Variants in TMEM135 observed in about 807,000 individuals in gnomAD.
TMEM135 encodes transmembrane protein 135, also known as peroxisomal membrane protein 52.
Under a neutral mutation model 60.3 loss-of-function variants are expected in TMEM135, and 30 were observed. The observed-to-expected ratio is 0.50, with a 90% CI of 0.37 to 0.68. The LOEUF (loss-of-function observed/expected upper bound fraction) is 0.68, where lower values mean the gene tolerates loss of function less well. Ranked by LOEUF, TMEM135 falls within the 30% of genes least tolerant of loss-of-function variation. The probability of loss-of-function intolerance (pLI) is 0.00; values close to 1 mark genes in which losing one functional copy is unlikely to be tolerated. For synonymous variants in TMEM135, 190 were observed against 186.7 expected (o/e 1.02, Z -0.14); for missense variants, 468 against 548.8 (o/e 0.85, Z 1.47).
At chr11:87,170,583 T>C (rs1939207297) in intron 5 of TMEM135, among the ~76,000 whole-genome samples, 1 of 152,160 alleles carries the variant, frequency 6.6e-6, no homozygotes, top group African/African-American at 2.4e-5. Flanking sequence ...GGAAGTCTAC[T>C]CCAGACCCTG....
rs757585660 is a variant in TMEM135 at position 87,326,303 on chromosome 11, A to G, written c.*4970A>G. 4.4e-6 allele frequency: 2 copies of G among 454,092 alleles called. No individual in the cohort carries two copies. The highest frequency in any genetic ancestry group is 3.1e-5 in the South Asian group (2 of 64,478). 28.1% of individuals were successfully genotyped at this position (454,092 alleles called of 1,614,324 possible). ...TGAGAGATTCAGGCTTCCATAAAGT[A>G]GACCTGTAGACCTATGTTGGCTGAG... On this transcript the variant is annotated 3_prime_UTR_variant, in exon 15 of 15. Transcript: ENST00000305494.
chr11:87,282,034 T>A (rs7117687), intron 6 of TMEM135, among the ~76,000 whole-genome samples: 55,710 of 152,122 alleles, frequency 0.37, 10,868 homozygotes, highest in Non-Finnish European at 0.43. Flanking sequence ...GTGGAGATTT[T>A]GTTAAAACAC....
At chr11:87,305,009 G>A (rs574054985) in intron 8 of TMEM135, among the ~76,000 whole-genome samples, 7 of 152,180 alleles carry the variant, frequency 4.6e-5, no homozygotes, top group Non-Finnish European at 7.4e-5. Flanking sequence ...AACACTGGAG[G>A]GTTAAGTGGT....
chr11:87,132,479 A>G (rs992464321), intron 4 of TMEM135, among the ~76,000 whole-genome samples: 2 of 152,186 alleles, frequency 1.3e-5, no homozygotes, highest in East Asian at 3.8e-4. Flanking sequence ...TGGCTTTACT[A>G]TTGTCACTAT....
chr11:87,174,073 G>T (rs1272111590), intron 5 of TMEM135, among the ~76,000 whole-genome samples: 1 of 152,108 alleles, frequency 6.6e-6, no homozygotes, highest in Non-Finnish European at 1.5e-5. Context: ...GCCAAACAGG[G>T]TAAAGTTATA....
At chr11:87,167,224 C>G (rs1939078319) in intron 5 of TMEM135, among the ~76,000 whole-genome samples, 1 of 152,134 alleles carries the variant, frequency 6.6e-6, no homozygotes, top group Admixed American at 6.6e-5. Context: ...ATGGGGTTTT[C>G]TAAATATACA....
intron 4 of TMEM135, among the ~76,000 whole-genome samples, chr11:87,106,045 T>G (rs1857586466): frequency 6.6e-6 from 1 of 152,166 alleles, no homozygotes; most frequent in South Asian, 2.1e-4. Context: ...TGTGCCTGGC[T>G]TTTTTCACTT....
intron 6 of TMEM135, among the ~76,000 whole-genome samples, chr11:87,247,119 C>G (rs1265975237): frequency 2.0e-5 from 3 of 151,026 alleles, no homozygotes; most frequent in Non-Finnish European, 2.9e-5. Flanking sequence ...GAGGTCCACT[C>G]CAGACCCTGT....
Position 87,219,611 on chromosome 11 carries a change from C to T in TMEM135, c.463-17027C>T, listed in dbSNP as rs907874117. Among the ~76,000 whole-genome samples the T allele has an allele frequency of 2.0e-5, 3 of 152,230 alleles. No individual in the cohort carries two copies. The South Asian group carries it at 6.2e-4, about 32-fold the overall frequency. On this transcript the variant is annotated intron_variant, in intron 5 of 14. Coordinates refer to ENST00000305494, the MANE Select transcript of TMEM135 (RefSeq NM_022918.4). ...CCAATCTTACTGGATTAGGGCCTAA[C>T]CCTTAAGACCTCATTTAACCTGAGT...
intron 5 of TMEM135, among the ~76,000 whole-genome samples, chr11:87,188,938 A>G (rs894225567): frequency 6.6e-6 from 1 of 152,124 alleles, no homozygotes; most frequent in Non-Finnish European, 1.5e-5. Context: ...AGTTCAACTT[A>G]TTCTTCATAA....
chr11:87,211,922 T>C (rs527749427), intron 5 of TMEM135, among the ~76,000 whole-genome samples: 6 of 151,466 alleles, frequency 4.0e-5, no homozygotes, highest in Non-Finnish European at 8.8e-5. Context: ...CCAGCCTGGG[T>C]GACAGAGGGA....
At chr11:87,059,705 A>G (rs10792903) in intron 1 of TMEM135, among the ~76,000 whole-genome samples, 88,669 of 152,132 alleles carry the variant, frequency 0.58, 27,087 homozygotes, top group East Asian at 0.81. Flanking sequence ...ATTGGGGTTG[A>G]ATCAGGAAGC....
intron 4 of TMEM135, among the ~76,000 whole-genome samples, chr11:87,135,493 C>CTTTT (rs376201118): frequency 0.38 from 54,373 of 141,468 alleles, 10,685 homozygotes; most frequent in East Asian, 0.55. Flanking sequence ...AAGAGTTCAT[C>CTTTT]TTTTTTTTTT....
At chr11:87,058,851 A>T (rs1590986035) in intron 1 of TMEM135, among the ~76,000 whole-genome samples, 1 of 151,756 alleles carries the variant, frequency 6.6e-6, no homozygotes, top group Admixed American at 6.6e-5. Flanking sequence ...CCATCTCCTG[A>T]CCTCATGATC....
At chr11:87,150,025 C>A (rs1265070726) in intron 4 of TMEM135, among the ~76,000 whole-genome samples, 1 of 151,996 alleles carries the variant, frequency 6.6e-6, no homozygotes, top group Non-Finnish European at 1.5e-5. Context: ...AGCGACCAGC[C>A]TGACTAACAT....
chr11:87,310,952 C>A (rs966958956), intron 10 of TMEM135, among the ~76,000 whole-genome samples: 12 of 151,802 alleles, frequency 7.9e-5, no homozygotes, highest in Non-Finnish European at 1.6e-4. Context: ...AAGGAGTGTG[C>A]ATTTTTGTAG....
intron 1 of TMEM135, among the ~76,000 whole-genome samples, chr11:87,043,363 G>C (rs1231912382): frequency 6.6e-6 from 1 of 152,012 alleles, no homozygotes; most frequent in Admixed American, 6.6e-5. Flanking sequence ...TGTATTTCTT[G>C]AATGTTAGTT....
At chr11:87,287,533 C>T (rs959402399) in intron 6 of TMEM135, among the ~76,000 whole-genome samples, 39 of 152,094 alleles carry the variant, frequency 2.6e-4, no homozygotes, top group Admixed American at 1.6e-3. Context: ...AAAAATTAGC[C>T]GGGCCTAGTG....
intron 12 of TMEM135, among the ~76,000 whole-genome samples, chr11:87,315,870 A>T (rs576594499): frequency 5.9e-5 from 9 of 152,080 alleles, no homozygotes; most frequent in African/African-American, 1.7e-4. Context: ...ATTATGCTCA[A>T]ATTGTTCCCA....
Sources: gnomAD v4.1 joint callset for allele counts (sites outside exome capture counted in the v4.1 genomes callset) on GRCh38, gnomAD v4.1.1 for gene constraint, MANE v1.5 for transcripts, NCBI Gene and HGNC (gene_info 2026-07-23, HGNC 2026-07-21) for gene names.